SMG6: variants seen among roughly 807,000 people sequenced by gnomAD.
The protein encoded by SMG6 is SMG6 nonsense mediated mRNA decay factor, also known as telomerase-binding protein EST1A.
Under a neutral mutation model 142.2 loss-of-function variants are expected in SMG6, and 66 were observed. The ratio of observed to expected loss-of-function variants is 0.46; its 90% CI spans 0.38 to 0.57. The LOEUF is 0.57. Ranked by LOEUF, SMG6 falls within the 20% of genes least tolerant of loss-of-function variation. The probability of loss-of-function intolerance (pLI) is 0.00; values close to 1 mark genes in which losing one functional copy is unlikely to be tolerated. For synonymous variants in SMG6, 779 were observed against 702.4 expected (o/e 1.11, Z -1.72); for missense variants, 1,793 against 1,832.0 (o/e 0.98, Z 0.39).
At chr17:2,127,525 GT>G in intron 13 of SMG6, 1 of 642,678 alleles carries the variant, frequency 1.6e-6, no homozygotes, top group Non-Finnish European at 3.0e-6. Flanking sequence ...CTCAAGCATG[GT>G]TTTGGGGCCA....
chr17:2,243,118 T>C (rs1236568761), intron 9 of SMG6, among the ~76,000 whole-genome samples: 2 of 152,164 alleles, frequency 1.3e-5, no homozygotes, highest in Non-Finnish European at 2.9e-5. Context: ...CCTAAGTGAA[T>C]GTCTCCACCT....
chr17:2,145,135 GTCTC>G (rs2070623608), intron 13 of SMG6, among the ~76,000 whole-genome samples: 1 of 152,060 alleles, frequency 6.6e-6, no homozygotes, highest in African/African-American at 2.4e-5. Context: ...TTTGGAGACA[GTCTC>G]TCTCTGTCGC....
rs2151418676 is a variant in SMG6, at chr17:2,300,528, T to C, written c.225A>G (p.Lys75=). The C allele has an allele frequency of 1.2e-6, 2 of 1,614,142 alleles. No individual in the cohort carries two copies. Among genetic ancestry groups the C allele is most frequent in the East Asian group, 2.2e-5 (1 of 44,882 alleles). ...IKEPPGSEEF[K]DEIVNDRDCS... ...AATCTCGGTCATTAACAATTTCATC[T>C]TTGAATTCCTCACTCCCAGGGGGTT... is the stretch of plus-strand genomic sequence containing the variant. The change falls in exon 2 of 19, where the codon AAA becomes AAG. Residue 75 remains lysine, a synonymous_variant. Coordinates refer to ENST00000263073, the MANE Select transcript of SMG6 (RefSeq NM_017575.5).
chr17:2,133,786 G>A (rs907027389), intron 13 of SMG6, among the ~76,000 whole-genome samples: 1 of 152,204 alleles, frequency 6.6e-6, no homozygotes, highest in Non-Finnish European at 1.5e-5. Context: ...CTCTTGAGAT[G>A]TAAATAGAAC....
chr17:2,156,447 C>T (rs2071009441), intron 13 of SMG6, among the ~76,000 whole-genome samples: 1 of 144,320 alleles, frequency 6.9e-6, no homozygotes, highest in Admixed American at 6.9e-5. Context: ...AACTACAGGT[C>T]CTTCTATCTT....
intron 12 of SMG6, among the ~76,000 whole-genome samples, chr17:2,185,256 C>T (rs1243399215): frequency 6.6e-6 from 1 of 152,046 alleles, no homozygotes; most frequent in Non-Finnish European, 1.5e-5. Flanking sequence ...CCTAGACAAG[C>T]GCCCAGAGGC....
intron 8 of SMG6, among the ~76,000 whole-genome samples, chr17:2,267,509 A>C (rs150783949): frequency 6.6e-6 from 1 of 152,106 alleles, no homozygotes; most frequent in African/African-American, 2.4e-5. Context: ...CAAGATATGG[A>C]GTCTTTATAT....
intron 1 of SMG6, chr17:2,303,165 G>A (rs2075323814): frequency 1.0e-6 from 1 of 985,336 alleles, no homozygotes; most frequent in African/African-American, 1.7e-5. Context: ...GTCTTGGGGG[G>A]GAAAAGTTCA....
At chr17:2,280,514 C>G (rs547223272) in intron 8 of SMG6, 2 of 764,082 alleles carry the variant, frequency 2.6e-6, no homozygotes, top group Non-Finnish European at 3.2e-6. Flanking sequence ...CTGCTCGCCT[C>G]GGCCTCCTAA....
At chr17:2,281,560 C>A (rs1021390793) in intron 8 of SMG6, among the ~76,000 whole-genome samples, 3 of 152,184 alleles carry the variant, frequency 2.0e-5, no homozygotes, top group Admixed American at 2.0e-4. Context: ...TTTTTCATAT[C>A]TCACTTGGAA....
intron 1 of SMG6, among the ~76,000 whole-genome samples, chr17:2,302,644 A>G (rs1052032966): frequency 2.0e-5 from 3 of 152,260 alleles, no homozygotes; most frequent in Admixed American, 1.3e-4. Context: ...TCCAGCAAGT[A>G]CATTTACTGT....
intron 10 of SMG6, among the ~76,000 whole-genome samples, chr17:2,225,374 G>A (rs1172159189): frequency 6.6e-6 from 1 of 151,662 alleles, no homozygotes; most frequent in Non-Finnish European, 1.5e-5. Context: ...GTGTGGTCAT[G>A]CCCTTGTAAT....
At chr17:2,290,101 C>T (rs752475931) in intron 6 of SMG6, among the ~76,000 whole-genome samples, 9 of 152,100 alleles carry the variant, frequency 5.9e-5, no homozygotes, top group Middle Eastern at 3.4e-3. Context: ...TTAATACTCA[C>T]TAGGTTTGTG....
chr17:2,261,305 C>T (rs1332744612), intron 8 of SMG6, among the ~76,000 whole-genome samples: 1 of 135,870 alleles, frequency 7.4e-6, no homozygotes, highest in African/African-American at 3.0e-5. Flanking sequence ...CAGAGCGAGA[C>T]TCCGTCTCAA....
intron 13 of SMG6, among the ~76,000 whole-genome samples, chr17:2,129,990 T>G (rs2070054787): frequency 6.6e-6 from 1 of 151,378 alleles, no homozygotes; most frequent in South Asian, 2.1e-4. Context: ...GGGGGCGAGG[T>G]GGCTCACATC....
At chr17:2,178,353 T>C (rs9895342) in intron 12 of SMG6, among the ~76,000 whole-genome samples, 54,304 of 152,042 alleles carry the variant, frequency 0.36, 10,409 homozygotes, top group African/African-American at 0.5. Context: ...CACCATCCTC[T>C]AAGAATAAGA....
At chr17:2,110,417 G>T (rs1567605337) in intron 13 of SMG6, among the ~76,000 whole-genome samples, 1 of 152,118 alleles carries the variant, frequency 6.6e-6, no homozygotes, top group Non-Finnish European at 1.5e-5. Flanking sequence ...TTAACTACGA[G>T]CTCTCTCTAT....
At chr17:2,198,767 T>C (rs2072414529) in intron 10 of SMG6, among the ~76,000 whole-genome samples, 1 of 151,940 alleles carries the variant, frequency 6.6e-6, no homozygotes. Flanking sequence ...AGAAAAGGGT[T>C]ACTCAGTCAC....
At position 2,065,470 on chromosome 17, in the gene SMG6, G is replaced by A. The variant is rs143155204; in HGVS notation, c.4045C>T (p.Leu1349=). ...CCCTTCCTGCCACAGGGTCTCACCA[G>A]CTGGCCAGTGATGTCCTCACTGCGG... The part of the protein sequence containing the change: ...AFRSEDITGQ[L]GNNDDLILSC... The change falls in exon 17 of 19, where the codon CTG becomes TTG. Residue 1349 remains leucine (L), a splice_region_variant and synonymous_variant. Coordinates refer to ENST00000263073, the MANE Select transcript of SMG6 (RefSeq NM_017575.5). The A allele has an allele frequency of 9.3e-6, 15 of 1,611,496 alleles. No individual in the cohort carries two copies. The African/African-American group carries it at 1.6e-4, about 17-fold the overall frequency.
Sources: gnomAD v4.1 joint callset for allele counts (sites outside exome capture counted in the v4.1 genomes callset) on GRCh38, gnomAD v4.1.1 for gene constraint, MANE v1.5 for transcripts, NCBI Gene and HGNC (gene_info 2026-07-23, HGNC 2026-07-21) for gene names.